The following SCN9A variants were observed in gnomAD, a reference collection of about 807,000 sequenced individuals.
SCN9A encodes sodium channel protein type 9 subunit alpha.
A neutral mutation model predicts 187.0 loss-of-function variants in SCN9A; 131 were observed. The ratio of observed to expected loss-of-function variants is 0.70; its 90% CI spans 0.61 to 0.81. The LOEUF (loss-of-function observed/expected upper bound fraction) is 0.81, where lower values mean the gene tolerates loss of function less well. Among genes scored for constraint, SCN9A ranks in the 30% least tolerant of loss-of-function variants. The pLI is 0.00. For missense variants in SCN9A, 2,252 were observed against 2,396.6 expected (o/e 0.94, Z 1.26); for synonymous variants, 809 against 808.6 (o/e 1.00, Z -0.01).
intron 1 of SCN9A, among the ~76,000 whole-genome samples, chr2:166,347,059 C>T (rs537315654): frequency 1.3e-5 from 2 of 152,142 alleles, no homozygotes; most frequent in Admixed American, 6.6e-5. Flanking sequence ...TGACATCTGC[C>T]TTGTCCACTT....
At chr2:166,219,612 C>T (rs990818104) in intron 24 of SCN9A, among the ~76,000 whole-genome samples, 1 of 151,846 alleles carries the variant, frequency 6.6e-6, no homozygotes, top group Admixed American at 6.6e-5. Flanking sequence ...GAAAAATAAC[C>T]AATGCATACT....
intron 1 of SCN9A, among the ~76,000 whole-genome samples, chr2:166,369,650 G>A (rs1269425888): frequency 6.6e-6 from 1 of 152,078 alleles, no homozygotes; most frequent in Non-Finnish European, 1.5e-5. Flanking sequence ...TACAAAGATT[G>A]GTCCCATAAT....
At chr2:166,301,007 C>G (rs1032101526) in intron 7 of SCN9A, 1 of 150,398 alleles carries the variant, frequency 6.6e-6, no homozygotes, top group African/African-American at 2.5e-5. Flanking sequence ...CGAGTTCAAG[C>G]GATTCTCCTG....
chr2:166,353,909 A>G lies in SCN9A; in HGVS notation c.-51+21788T>C, dbSNP rs529730407. Among the ~76,000 whole-genome samples, 8 of 152,336 alleles carry G rather than the reference A, an allele frequency of 5.3e-5. No individual in the cohort carries two copies. The East Asian group carries it at 1.5e-3, about 29-fold the overall frequency. On this transcript the variant is annotated intron_variant, in intron 1 of 26. Coordinates refer to ENST00000642356, the MANE Select transcript of SCN9A (RefSeq NM_001365536.1). ...CAAGGTATAACATGATATCTGGCACATCATATAAAATTGTTAAATGCTTGA... is the reference window on the plus strand; with the variant it reads ...CAAGGTATAACATGATATCTGGCACGTCATATAAAATTGTTAAATGCTTGA...
chr2:166,240,058 G>A (rs1695497864), intron 19 of SCN9A, among the ~76,000 whole-genome samples: 1 of 152,172 alleles, frequency 6.6e-6, no homozygotes, highest in Admixed American at 6.6e-5. Context: ...AAGATATGGT[G>A]ACTTTGATTT....
At chr2:166,233,150 C>T (rs1188523076) in intron 21 of SCN9A, among the ~76,000 whole-genome samples, 190 bp downstream of exon 21, 1 of 142,664 alleles carries the variant, frequency 7.0e-6, no homozygotes, top group Non-Finnish European at 1.5e-5. Flanking sequence ...TATGTAAATG[C>T]ATACTATATA....
chr2:166,360,219 C>CAAAAAAAAAAAAAAAA (rs1251018524), intron 1 of SCN9A, among the ~76,000 whole-genome samples: 1 of 24,040 alleles, frequency 4.2e-5, no homozygotes, highest in Non-Finnish European at 7.5e-5. Context: ...AACTCTGTCT[C>CAAAAAAAAAAAAAAAA]AAAAAAAAAA....
intron 16 of SCN9A, among the ~76,000 whole-genome samples, chr2:166,273,393 G>T (rs1697089551): frequency 6.6e-6 from 1 of 152,178 alleles, no homozygotes; most frequent in African/African-American, 2.4e-5. Context: ...TACTTACAAA[G>T]TTCCTGTAAT....
chr2:166,317,589 C>T (rs1187053485), intron 1 of SCN9A, among the ~76,000 whole-genome samples: 1 of 152,124 alleles, frequency 6.6e-6, no homozygotes, highest in Non-Finnish European at 1.5e-5. Context: ...TCTATGTATG[C>T]AGACACACAC....
intron 24 of SCN9A, among the ~76,000 whole-genome samples, chr2:166,223,069 G>T (rs1694693559): frequency 7.0e-6 from 1 of 142,104 alleles, no homozygotes; most frequent in Non-Finnish European, 1.5e-5. Flanking sequence ...AAGATAATAG[G>T]TGTTGGCAAG....
intron 1 of SCN9A, among the ~76,000 whole-genome samples, chr2:166,368,676 G>C (rs1269921364): frequency 8.9e-6 from 1 of 112,402 alleles, no homozygotes; most frequent in East Asian, 2.4e-4. Context: ...AATGTACCTT[G>C]AAACTTAATT....
At chr2:166,268,090 T>C (rs1696817985) in intron 17 of SCN9A, among the ~76,000 whole-genome samples, 1 of 151,986 alleles carries the variant, frequency 6.6e-6, no homozygotes, top group Non-Finnish European at 1.5e-5. Context: ...AGCACTCAAT[T>C]CCATACTTAT....
chr2:166,364,361 T>C (rs1354128833), intron 1 of SCN9A, among the ~76,000 whole-genome samples: 1 of 152,108 alleles, frequency 6.6e-6, no homozygotes, highest in Non-Finnish European at 1.5e-5. Context: ...AAGGGACGCA[T>C]GTAGTTATCT....
At chr2:166,248,917 C>G (rs778672444) in intron 18 of SCN9A, among the ~76,000 whole-genome samples, 3 of 152,030 alleles carry the variant, frequency 2.0e-5, no homozygotes, top group Non-Finnish European at 4.4e-5. Context: ...TGATCGCCCA[C>G]CTCGGCCTCC....
intron 17 of SCN9A, among the ~76,000 whole-genome samples, chr2:166,271,879 A>T (rs1156876133): frequency 7.9e-5 from 12 of 151,624 alleles, no homozygotes; most frequent in Non-Finnish European, 1.5e-4. Context: ...AAAAGAAGAG[A>T]GAGAGAGAGA....
intron 1 of SCN9A, among the ~76,000 whole-genome samples, chr2:166,313,934 G>A (rs1052808597): frequency 3.3e-5 from 5 of 152,078 alleles, no homozygotes; most frequent in Non-Finnish European, 4.4e-5. Flanking sequence ...TTTTAACATC[G>A]TTGTGTGTCA....
intron 24 of SCN9A, among the ~76,000 whole-genome samples, chr2:166,217,103 A>C (rs889688201): frequency 2.0e-5 from 3 of 152,050 alleles, no homozygotes; most frequent in African/African-American, 7.2e-5. Flanking sequence ...AGAATAAACA[A>C]TGGGGGAAAG....
At position 166,257,035 on chromosome 2, in the gene SCN9A, T is replaced by C. The variant is rs991944558; in HGVS notation, c.3352-5150A>G. 2.0e-5 allele frequency among the ~76,000 whole-genome samples: 3 copies of C among 151,646 alleles called. No homozygotes were observed. The Admixed American group carries it at 2.0e-4, about 10-fold the overall frequency. On this transcript the variant is annotated intron_variant, in intron 17 of 26. Transcript: ENST00000642356. ...GGTCCTATAGTATCATCTTGAAGCA[T>C]CTTTCTAATGAAAAGAAGAGAAGCA...
intron 26 of SCN9A, among the ~76,000 whole-genome samples, chr2:166,200,691 G>A (rs1322757896): frequency 2.0e-5 from 3 of 152,020 alleles, no homozygotes; most frequent in Non-Finnish European, 4.4e-5. Context: ...GCTGGAGTGC[G>A]GTGGTGTGAT....
Sources: allele counts gnomAD v4.1 joint callset (sites outside exome capture counted in the v4.1 genomes callset), GRCh38; gene constraint gnomAD v4.1.1; transcripts MANE v1.5; gene names NCBI Gene and HGNC (gene_info 2026-07-23, HGNC 2026-07-21).